The following CRB1 variants were observed in gnomAD, a reference collection of about 807,000 sequenced individuals.
The protein encoded by CRB1 is protein crumbs homolog 1.
CRB1 carries 83 observed loss-of-function variants against 120.0 expected under a neutral mutation model. The observed-to-expected ratio is 0.69, with a 90% CI of 0.58 to 0.83. CRB1 has a LOEUF of 0.83. CRB1 is among the 40% of genes least tolerant of loss of function. CRB1 has a pLI of 0.00. For missense variants in CRB1, 1,699 were observed against 1,687.6 expected, an observed-to-expected ratio of 1.01 and a Z score of -0.12; for synonymous variants, 625 against 612.5, an observed-to-expected ratio of 1.02 and a Z score of -0.30.
chr1:197,384,332 C>T (rs780333701), intron 5 of CRB1, among the ~76,000 whole-genome samples: 9 of 152,088 alleles, frequency 5.9e-5, no homozygotes, highest in Non-Finnish European at 8.8e-5. Context: ...CCCAGGTGGT[C>T]GTGCTATTAC....
chr1:197,266,790 C>T (rs576027436), upstream of CRB1, among the ~76,000 whole-genome samples: 8 of 152,206 alleles, frequency 5.3e-5, no homozygotes, highest in Middle Eastern at 3.4e-3. Flanking sequence ...ATTAAAGACA[C>T]CCTAACAGAA....
intron 1 of CRB1, among the ~76,000 whole-genome samples, chr1:197,288,030 C>T (rs1001825246): frequency 2.0e-5 from 3 of 151,794 alleles, no homozygotes; most frequent in Non-Finnish European, 4.4e-5. Context: ...TTCCGGGCAA[C>T]AGCACAGGGA....
the CRB1 span, among the ~76,000 whole-genome samples, chr1:197,201,986 G>C: frequency 6.6e-6 from 1 of 152,196 alleles, no homozygotes; most frequent in Admixed American, 6.5e-5. Context: ...GCTAGTGCCT[G>C]AGATTTTGGA....
intron 1 of CRB1, among the ~76,000 whole-genome samples, chr1:197,290,256 G>A (rs1310427442): frequency 2.2e-5 from 3 of 137,780 alleles, no homozygotes; most frequent in African/African-American, 5.6e-5. Flanking sequence ...AGTTTTTTAT[G>A]TTCCCTTTCG....
the CRB1 span, among the ~76,000 whole-genome samples, chr1:197,229,331 G>A: frequency 2.6e-5 from 4 of 152,146 alleles, no homozygotes; most frequent in Non-Finnish European, 5.9e-5. Context: ...GTATGACACA[G>A]CCATTTTCTA....
At chr1:197,473,538 A>C (rs1255391547) in intron 11 of CRB1, among the ~76,000 whole-genome samples, 1 of 152,130 alleles carries the variant, frequency 6.6e-6, no homozygotes, top group African/African-American at 2.4e-5. Context: ...CACAGTTTAA[A>C]TTAATCATAC....
chr1:197,462,621 C>T (rs192031943), intron 11 of CRB1, among the ~76,000 whole-genome samples: 84 of 152,260 alleles, frequency 5.5e-4, no homozygotes, highest in African/African-American at 1.9e-3. Context: ...ATAAATGCTA[C>T]GGCATCCAAG....
chr1:197,236,288 C>T, the CRB1 span, among the ~76,000 whole-genome samples: 1 of 151,528 alleles, frequency 6.6e-6, no homozygotes, highest in Non-Finnish European at 1.5e-5. Flanking sequence ...CAACCTCCAC[C>T]TCCCAGGTTC....
intron 5 of CRB1, among the ~76,000 whole-genome samples, chr1:197,374,520 G>A (rs1326443206): frequency 6.6e-6 from 1 of 152,086 alleles, no homozygotes; most frequent in Non-Finnish European, 1.5e-5. Context: ...ACCTGAGTAA[G>A]CTAGTAACTT....
rs578216517 is a variant in CRB1, at chr1:197,298,236, T to C, written c.70+29754T>C. On this transcript the variant is annotated intron_variant, in intron 1 of 11. Transcript: ENST00000367400. ...AAGACCCTACAGGGAAGTAAAAGAA[T>C]CTTATTCTGAGCACGCTGAAATTTT... Among the ~76,000 whole-genome samples the C allele has an allele frequency of 2.0e-5, 3 of 152,198 alleles. No individual in the cohort carries two copies. In the South Asian group the frequency reaches 6.2e-4, roughly 32 times the overall value.
chr1:197,411,231 A>G (rs1319189711), intron 5 of CRB1, among the ~76,000 whole-genome samples: 1 of 152,176 alleles, frequency 6.6e-6, no homozygotes, highest in Non-Finnish European at 1.5e-5. Context: ...ATTGGGAGTT[A>G]GAAAGGGATT....
chr1:197,250,061 C>G, the CRB1 span, among the ~76,000 whole-genome samples: 1 of 151,930 alleles, frequency 6.6e-6, no homozygotes, highest in Admixed American at 6.6e-5. Context: ...TCAGTAAGAG[C>G]AAATATATTA....
intron 1 of CRB1, among the ~76,000 whole-genome samples, chr1:197,308,977 T>C (rs536245098): frequency 2.0e-5 from 3 of 150,986 alleles, no homozygotes; most frequent in Non-Finnish European, 4.4e-5. Context: ...TGGGTATATA[T>C]GCATGTATAT....
the CRB1 span, among the ~76,000 whole-genome samples, chr1:197,241,817 A>G: frequency 6.6e-6 from 1 of 151,684 alleles, no homozygotes; most frequent in Non-Finnish European, 1.5e-5. Context: ...GATTCTTCCC[A>G]TCCATGAGCA....
At chr1:197,347,500 C>T in intron 4 of CRB1, 21 bp downstream of exon 4, 1 of 1,612,426 alleles carries the variant, frequency 6.2e-7, no homozygotes, top group South Asian at 1.1e-5. Context: ...AAATACCTTC[C>T]ACCAATTATT....
At chr1:197,400,269 C>T (rs1432843946) in intron 5 of CRB1, among the ~76,000 whole-genome samples, 4 of 150,444 alleles carry the variant, frequency 2.7e-5, no homozygotes, top group Non-Finnish European at 5.9e-5. Flanking sequence ...AGCATTGTGC[C>T]ATAAAAGTAG....
Position 197,447,262 on chromosome 1 carries a change from G to A in CRB1, c.4005+4970G>A, listed in dbSNP as rs560507552. Among the ~76,000 whole-genome samples the A allele has an allele frequency of 7.7e-4, 117 of 152,274 alleles. 1 individual carries two copies. The highest frequency in any genetic ancestry group is 7.3e-3 in the Admixed American group (112 of 15,290). On this transcript the variant is annotated intron_variant, in intron 11 of 11. Transcript: ENST00000367400. ...GAGGCTGATGGCAGAGGTAGCCTTC[G>A]ATTCCTGAAGGCAGCCCTCAGCTCC...
intron 11 of CRB1, among the ~76,000 whole-genome samples, chr1:197,473,900 C>A (rs1276706597): frequency 6.6e-6 from 1 of 151,174 alleles, no homozygotes; most frequent in African/African-American, 2.4e-5. Context: ...AGCAAAGGGC[C>A]CTGAAGAGGC....
At chr1:197,449,756 T>A (rs1422518932) in intron 11 of CRB1, among the ~76,000 whole-genome samples, 2 of 152,234 alleles carry the variant, frequency 1.3e-5, no homozygotes, top group African/African-American at 4.8e-5. Flanking sequence ...GTGTCACAGC[T>A]GCAATCTCTG....
Sources: allele counts gnomAD v4.1 joint callset (sites outside exome capture counted in the v4.1 genomes callset), GRCh38; gene constraint gnomAD v4.1.1; transcripts MANE v1.5; gene names NCBI Gene and HGNC (gene_info 2026-07-23, HGNC 2026-07-21).